MTRFR: variants seen among roughly 807,000 people sequenced by gnomAD.
MTRFR encodes probable peptide chain release factor C12orf65, mitochondrial.
A neutral mutation model predicts 11.9 loss-of-function variants in MTRFR; 10 were observed. That is an observed-to-expected ratio of 0.84 (90% CI 0.52 to 1.42). MTRFR has a LOEUF of 1.42. MTRFR is among the 40% of genes most tolerant of loss of function. MTRFR has a pLI of 0.00. For synonymous variants in MTRFR, 77 were observed against 79.1 expected, an observed-to-expected ratio of 0.97 and a Z score of 0.14; for missense variants, 196 against 197.9, an observed-to-expected ratio of 0.99 and a Z score of 0.06.
At chr12:123,256,600 G>A (rs553951607) in intron 2 of MTRFR, among the ~76,000 whole-genome samples, 1 of 152,322 alleles carries the variant, frequency 6.6e-6, no homozygotes, top group East Asian at 1.9e-4. Context: ...GGAGGCTGAG[G>A]CAGGAGAATC....
At chr12:123,239,118 A>C (rs1362944122) in intron 1 of MTRFR, among the ~76,000 whole-genome samples, 1 of 152,098 alleles carries the variant, frequency 6.6e-6, no homozygotes, top group Non-Finnish European at 1.5e-5. Context: ...AAAATCCAAA[A>C]ATTAGCCAGG....
chr12:123,238,541 C>A (rs984024922), intron 1 of MTRFR, among the ~76,000 whole-genome samples: 10 of 151,940 alleles, frequency 6.6e-5, no homozygotes, highest in Non-Finnish European at 1.5e-4. Flanking sequence ...GAGACCGAGG[C>A]AGGCAGATTG....
intron 1 of MTRFR, among the ~76,000 whole-genome samples, chr12:123,237,589 C>T (rs968518823): frequency 2.6e-5 from 4 of 152,232 alleles, no homozygotes; most frequent in African/African-American, 4.8e-5. Flanking sequence ...TCCTCCCGTC[C>T]GCCAAAATCA....
chr12:123,241,748 C>T lies in MTRFR; in HGVS notation c.-29+8217C>T, dbSNP rs78277945. On this transcript the variant is annotated intron_variant, in intron 1 of 2. Coordinates refer to ENST00000253233, the MANE Select transcript of MTRFR (RefSeq NM_152269.5). ...CCTCCCAAGTAGCTGGGACTGTAGG[C>T]TATTATCTTGTTTGCTCCGGCCACA... 6.2e-3 allele frequency among the ~76,000 whole-genome samples: 951 copies of T among 152,312 alleles called. 23 individuals are homozygous for T. The highest frequency in any genetic ancestry group is 0.045 in the Admixed American group (690 of 15,276).
At chr12:123,248,777 C>A (rs2337631) in intron 1 of MTRFR, 79,183 of 152,032 alleles carry the variant, frequency 0.52, 24,904 homozygotes, top group East Asian at 0.7. Context: ...TCTGACCCCA[C>A]CCACATCCTG....
intron 1 of MTRFR, among the ~76,000 whole-genome samples, chr12:123,239,754 G>A (rs1435563461): frequency 6.6e-6 from 1 of 152,136 alleles, no homozygotes; most frequent in East Asian, 1.9e-4. Context: ...TAACACAACA[G>A]AGGTGACATT....
intron 2 of MTRFR, among the ~76,000 whole-genome samples, chr12:123,256,258 CT>C (rs2048181237): frequency 6.6e-6 from 1 of 152,176 alleles, no homozygotes; most frequent in Middle Eastern, 3.2e-3. Flanking sequence ...TCAGTTGATA[CT>C]TTCATAATTA....
chr12:123,246,849 G>A (rs1252488166), intron 1 of MTRFR, among the ~76,000 whole-genome samples: 1 of 149,002 alleles, frequency 6.7e-6, no homozygotes, highest in African/African-American at 2.5e-5. Context: ...TCCTGCCTCA[G>A]CCTCCCCAGG....
intron 1 of MTRFR, chr12:123,250,144 AT>A (rs1455857812): frequency 2.2e-4 from 33 of 152,074 alleles, no homozygotes; most frequent in Admixed American, 1.3e-3. Context: ...GAATTTCTTT[AT>A]TCTACTTGTT....
intron 1 of MTRFR, among the ~76,000 whole-genome samples, chr12:123,236,915 C>T (rs2047860274): frequency 6.6e-6 from 1 of 151,918 alleles, no homozygotes; most frequent in Non-Finnish European, 1.5e-5. Context: ...GAATCCCCAT[C>T]TCTACTAAAA....
intron 1 of MTRFR, chr12:123,251,620 G>GGT (rs1328478860): frequency 1.3e-5 from 2 of 152,832 alleles, no homozygotes; most frequent in East Asian, 3.8e-4. Context: ...CCAGTGGGGG[G>GGT]GTGTGTGTTC....
At position 123,247,210 on chromosome 12, in the gene MTRFR, C is replaced by T. The variant is rs533099025; in HGVS notation, c.-28-6437C>T. ...ATAGTTTAAATCCATTCTTTGTTGA[C>T]TTTTCGTTTTGATGACCTGTCTAGT... On this transcript the variant is annotated intron_variant, in intron 1 of 2. Coordinates refer to ENST00000253233, the MANE Select transcript of MTRFR (RefSeq NM_152269.5). Among the ~76,000 whole-genome samples the T allele has an allele frequency of 2.5e-4, 38 of 152,172 alleles. No individual in the cohort carries two copies. In the South Asian group the frequency reaches 7.3e-3, roughly 29 times the overall value.
intron 1 of MTRFR, chr12:123,244,039 C>T (rs1202906626): frequency 1.3e-5 from 2 of 148,420 alleles, no homozygotes; most frequent in East Asian, 2.0e-4. Context: ...GAAGCTGGCT[C>T]CCACCTAGAT....
chr12:123,256,902 C>T lies in MTRFR; in HGVS notation c.372C>T (p.Asn124=), dbSNP rs908650930. 6.2e-7 allele frequency: 1 copy of T among 1,613,502 alleles called. No homozygotes were observed. The highest frequency in any genetic ancestry group is 1.7e-5 in the Admixed American group (1 of 59,966). Residue 124 remains asparagine, a synonymous_variant, in exon 3 of 3, where the codon AAC becomes AAT. Transcript: ENST00000253233. The stretch of plus-strand genomic sequence containing the variant: ...TAGATGTTTTCTACAATGGTGAAAA[C>T]AGTCCTGTTCACAAAGAAAAACGAG... ...EKVDVFYNGE[N]SPVHKEKREA... is the part of the protein sequence containing the mutation.
chr12:123,247,593 T>C (rs1179080009), intron 1 of MTRFR, among the ~76,000 whole-genome samples: 3 of 152,210 alleles, frequency 2.0e-5, no homozygotes, highest in Admixed American at 6.5e-5. Context: ...TTATCCATTC[T>C]GCAGTTCTGT....
chr12:123,256,880 A>G lies in MTRFR; in HGVS notation c.350A>G (p.Asp117Gly), dbSNP rs767937395. 6.2e-7 allele frequency: 1 copy of G among 1,613,842 alleles called. No individual in the cohort carries two copies. Among genetic ancestry groups the G allele is most frequent in the African/African-American group, 1.3e-5 (1 of 74,932 alleles). The change falls in exon 3 of 3, where the codon GAT becomes GGT. Residue 117 changes from aspartate (D) to glycine (G), a missense_variant. By Grantham distance (94) the Asp-to-Gly change is moderately conservative. Coordinates refer to ENST00000253233, the MANE Select transcript of MTRFR (RefSeq NM_152269.5). ...CGGAAAATCCTACAAGAGAAAGTAGATGTTTTCTACAATGGTGAAAACAGT... is the reference window on the plus strand; with the variant it reads ...CGGAAAATCCTACAAGAGAAAGTAGGTGTTTTCTACAATGGTGAAAACAGT... The part of the protein sequence containing the change: ...LARKILQEKV[D>G]VFYNGENSPV...
At chr12:123,246,391 C>T (rs542707871) in intron 1 of MTRFR, among the ~76,000 whole-genome samples, 1 of 152,198 alleles carries the variant, frequency 6.6e-6, no homozygotes, top group East Asian at 1.9e-4. Context: ...TGACCCACTG[C>T]TCATTCAGGA....
Position 123,253,830 on chromosome 12 carries a change from G to T in MTRFR, c.156G>T (p.Leu52=). 1 of 1,614,212 alleles carries T rather than the reference G, an allele frequency of 6.2e-7. No homozygotes were observed. Among genetic ancestry groups the T allele is most frequent in the South Asian group, 1.1e-5 (1 of 91,088 alleles). ...CAGGCAAGAAGGACTACCCTGCACT[G>T]CTTTCCTTGGATGAGAATGAACTCG... ...QMAGKKDYPA[L]LSLDENELEE... The change falls in exon 2 of 3, where the codon CTG becomes CTT. Residue 52 remains leucine, a synonymous_variant. Coordinates refer to ENST00000253233, the MANE Select transcript of MTRFR (RefSeq NM_152269.5).
Position 123,246,709 on chromosome 12 carries a change from A to AT in MTRFR, c.-28-6899dup, listed in dbSNP as rs1157677577. Among the ~76,000 whole-genome samples, 117 of 53,516 alleles carry AT rather than the reference A, an allele frequency of 2.2e-3. 33 individuals carry two copies. The highest frequency in any genetic ancestry group is 0.01 in the African/African-American group (111 of 10,668). The allele number at this position is 53,516 out of a possible 152,430, so 35.1% of individuals were successfully genotyped here. ...TGAGAGAGTGCTTGATATAATTTCA[A>AT]TTTTTTTTTTTTTTTTTTTTTTTTT... On this transcript the variant is annotated intron_variant, in intron 1 of 2. Coordinates refer to ENST00000253233, the MANE Select transcript of MTRFR (RefSeq NM_152269.5).
Sources: allele counts gnomAD v4.1 joint callset (sites outside exome capture counted in the v4.1 genomes callset), GRCh38; gene constraint gnomAD v4.1.1; transcripts MANE v1.5; gene names NCBI Gene and HGNC (gene_info 2026-07-23, HGNC 2026-07-21).